The following FAT3 variants were observed in gnomAD, a reference collection of about 807,000 sequenced individuals.
The protein encoded by FAT3 is protocadherin Fat 3.
A neutral mutation model predicts 310.2 loss-of-function variants in FAT3; 95 were observed. That is an observed-to-expected ratio of 0.31 (90% CI 0.26 to 0.36). The LOEUF is 0.36. Among genes scored for constraint, FAT3 ranks in the 10% least tolerant of loss-of-function variants. The pLI, the probability that FAT3 is intolerant of heterozygous loss-of-function variation, is 1.00. For missense variants in FAT3, 5,408 were observed against 5,715.6 expected (o/e 0.95, Z 1.74); for synonymous variants, 2,314 against 2,192.9 (o/e 1.06, Z -1.54).
At chr11:92,278,227 A>G (rs1284659953) in intron 1 of FAT3, among the ~76,000 whole-genome samples, 1 of 152,218 alleles carries the variant, frequency 6.6e-6, no homozygotes, top group Non-Finnish European at 1.5e-5. Flanking sequence ...TAAGGTATGC[A>G]TTAATCCTTT....
At chr11:92,436,077 A>T (rs929593213) in intron 2 of FAT3, among the ~76,000 whole-genome samples, 2 of 151,884 alleles carry the variant, frequency 1.3e-5, no homozygotes, top group Non-Finnish European at 2.9e-5. Flanking sequence ...AGGGCTCTTT[A>T]TTCTCTCTTT....
intron 21 of FAT3, among the ~76,000 whole-genome samples, chr11:92,863,545 T>A (rs1949168780): frequency 6.6e-6 from 1 of 152,206 alleles, no homozygotes; most frequent in African/African-American, 2.4e-5. Context: ...AGGGCAACAC[T>A]CTCTCAATTA....
intron 1 of FAT3, among the ~76,000 whole-genome samples, chr11:92,269,528 C>G (rs1565191502): frequency 6.6e-6 from 1 of 152,090 alleles, no homozygotes; most frequent in Non-Finnish European, 1.5e-5. Context: ...TTCAACTGAT[C>G]TTTATGCTAT....
chr11:92,373,884 G>A (rs2134729407), intron 2 of FAT3, among the ~76,000 whole-genome samples: 2 of 151,990 alleles, frequency 1.3e-5, no homozygotes, highest in East Asian at 3.9e-4. Context: ...TGATAATGGA[G>A]GCTAAGTTCT....
chr11:92,251,890 A>G (rs1865156889), intron 1 of FAT3, among the ~76,000 whole-genome samples: 1 of 152,172 alleles, frequency 6.6e-6, no homozygotes, highest in South Asian at 2.1e-4. Flanking sequence ...GTTACCGATG[A>G]TCCAGAAAGG....
intron 1 of FAT3, among the ~76,000 whole-genome samples, chr11:92,327,612 C>T (rs1761285357): frequency 6.6e-6 from 1 of 152,182 alleles, no homozygotes; most frequent in Non-Finnish European, 1.5e-5. Flanking sequence ...TTTCCCATTG[C>T]TTGTGGCCCT....
At chr11:92,847,795 A>G (rs1211071071) in intron 19 of FAT3, among the ~76,000 whole-genome samples, 2 of 152,224 alleles carry the variant, frequency 1.3e-5, no homozygotes, top group East Asian at 3.8e-4. Context: ...TCTCACTTCT[A>G]GAATTATCTT....
chr11:92,675,111 GA>G (rs1943247873), intron 3 of FAT3, among the ~76,000 whole-genome samples: 1 of 152,098 alleles, frequency 6.6e-6, no homozygotes, highest in Non-Finnish European at 1.5e-5. Flanking sequence ...CAGTAGTTGA[GA>G]AATCTAATTC....
chr11:92,471,010 T>C (rs555561697), intron 2 of FAT3, among the ~76,000 whole-genome samples: 2 of 152,334 alleles, frequency 1.3e-5, no homozygotes, highest in East Asian at 3.9e-4. Context: ...TTTCATTTGA[T>C]ATATTTTTAA....
intron 3 of FAT3, among the ~76,000 whole-genome samples, chr11:92,633,881 T>C (rs1941653664): frequency 1.3e-5 from 2 of 152,184 alleles, no homozygotes; most frequent in African/African-American, 4.8e-5. Flanking sequence ...TATTTTTACT[T>C]GAGGATAGAA....
intron 3 of FAT3, among the ~76,000 whole-genome samples, chr11:92,635,599 C>T (rs1426356824): frequency 6.6e-6 from 1 of 152,164 alleles, no homozygotes; most frequent in East Asian, 1.9e-4. Context: ...TTTGAAGCAC[C>T]TTCCAGCCAT....
At chr11:92,296,120 G>A (rs935610526) in intron 1 of FAT3, among the ~76,000 whole-genome samples, 1 of 152,138 alleles carries the variant, frequency 6.6e-6, no homozygotes, top group East Asian at 1.9e-4. Flanking sequence ...GAGATATTCT[G>A]GTCCAACTCT....
intron 3 of FAT3, among the ~76,000 whole-genome samples, chr11:92,527,402 T>C (rs1953903438): frequency 6.6e-6 from 1 of 152,214 alleles, no homozygotes; most frequent in Non-Finnish European, 1.5e-5. Context: ...CAAAAAAAGC[T>C]GATACCCCAT....
chr11:92,549,974 G>A (rs961065086), intron 3 of FAT3, among the ~76,000 whole-genome samples: 1 of 152,112 alleles, frequency 6.6e-6, no homozygotes, highest in Admixed American at 6.6e-5. Context: ...GAAGCTCAGA[G>A]AGTTTTAGAA....
At chr11:92,510,831 C>T (rs531810486) in intron 2 of FAT3, among the ~76,000 whole-genome samples, 16 of 152,330 alleles carry the variant, frequency 1.1e-4, no homozygotes, top group African/African-American at 3.8e-4. Flanking sequence ...GCTTGCATTT[C>T]AGTGCATAAT....
chr11:92,430,510 G>A (rs1373117923), intron 2 of FAT3, among the ~76,000 whole-genome samples: 1 of 151,552 alleles, frequency 6.6e-6, no homozygotes, highest in Admixed American at 6.6e-5. Flanking sequence ...CTTTGGATGG[G>A]GTTTTTTTTT....
At chr11:92,275,670 C>A (rs1946250310) in intron 1 of FAT3, among the ~76,000 whole-genome samples, 1 of 152,074 alleles carries the variant, frequency 6.6e-6, no homozygotes, top group African/African-American at 2.4e-5. Context: ...TAAGTCTCTA[C>A]CAGCAATGTA....
At chr11:92,225,314 G>C (rs1481077815) in intron 1 of FAT3, among the ~76,000 whole-genome samples, 140 bp downstream of exon 1, 3 of 152,164 alleles carry the variant, frequency 2.0e-5, no homozygotes, top group Non-Finnish European at 4.4e-5. Flanking sequence ...AAGCGCGTGG[G>C]GGAAACTTTT....
chr11:92,588,063 T>C (rs1230226721), intron 3 of FAT3, among the ~76,000 whole-genome samples: 3 of 151,954 alleles, frequency 2.0e-5, no homozygotes, highest in Non-Finnish European at 4.4e-5. Context: ...GTAGTCTGCC[T>C]CCCACCTTGC....
Sources: gnomAD v4.1 joint callset for allele counts (sites outside exome capture counted in the v4.1 genomes callset) on GRCh38, gnomAD v4.1.1 for gene constraint, MANE v1.5 for transcripts, NCBI Gene and HGNC (gene_info 2026-07-23, HGNC 2026-07-21) for gene names.